The following IGFBP4 variants were observed in gnomAD, a reference collection of about 807,000 sequenced individuals.
IGFBP4 encodes insulin-like growth factor-binding protein 4.
IGFBP4 carries 9 observed loss-of-function variants against 25.8 expected under a neutral mutation model. That is an observed-to-expected ratio of 0.35 (90% CI 0.21 to 0.61). The LOEUF (loss-of-function observed/expected upper bound fraction) is 0.61, where lower values mean the gene tolerates loss of function less well. Among genes scored for constraint, IGFBP4 ranks in the 20% least tolerant of loss-of-function variants. The pLI is 0.77. For missense variants in IGFBP4, 315 were observed against 365.3 expected, an observed-to-expected ratio of 0.86 and a Z score of 1.12; for synonymous variants, 153 against 153.9, an observed-to-expected ratio of 0.99 and a Z score of 0.05.
chr17:40,444,047 G>A lies in IGFBP4; in HGVS notation c.312G>A (p.Ala104=), dbSNP rs1297677896. The A allele has an allele frequency of 1.3e-6, 2 of 1,538,852 alleles. No individual in the cohort carries two copies. Among genetic ancestry groups the A allele is most frequent in the Non-Finnish European group, 1.7e-6 (2 of 1,147,976 alleles). The part of the protein sequence containing the change: ...MHGQGVCMEL[A]EIEAIQESLQ... ...GGCAAGGCGTGTGCATGGAGCTGGCGGAGATCGAGGCCATCCAGGAAAGCC... is the reference window on the plus strand; with the variant it reads ...GGCAAGGCGTGTGCATGGAGCTGGCAGAGATCGAGGCCATCCAGGAAAGCC... Residue 104 remains alanine, a synonymous_variant, in exon 1 of 4, where the codon GCG becomes GCA. Transcript: ENST00000269593.
chr17:40,448,889 G>C (rs918620349), intron 1 of IGFBP4, among the ~76,000 whole-genome samples: 2 of 152,202 alleles, frequency 1.3e-5, no homozygotes. Flanking sequence ...CCAAGTGCAT[G>C]TGGGTAAGGC....
At chr17:40,452,143 G>A (rs2035687062) in intron 1 of IGFBP4, among the ~76,000 whole-genome samples, 1 of 152,106 alleles carries the variant, frequency 6.6e-6, no homozygotes, top group Admixed American at 6.5e-5. Flanking sequence ...CCATTTGGAT[G>A]GAGTTTTTCT....
In IGFBP4 at chr17:40,453,195, T is replaced by G; in HGVS notation, c.507+53T>G. 1 of 583,184 alleles carries G rather than the reference T, an allele frequency of 1.7e-6. No homozygotes were observed. The highest frequency in any genetic ancestry group is 4.4e-5 in the East Asian group (1 of 22,762). 36.1% of individuals were successfully genotyped at this position (583,184 alleles called of 1,614,324 possible). On this transcript the variant is annotated intron_variant, in intron 2 of 3. Transcript: ENST00000269593. This position sits in a 1 kb window ranked among gnomAD's most constrained non-coding sequence, Gnocchi z 4.0. ...ATGTGCATAGACACACACACACACA[T>G]GCCCCCTGCCCCCCACATGCACGCA...
chr17:40,456,390 G>T, intron 3 of IGFBP4, 59 bp from the exon 4 acceptor site: 1 of 1,599,126 alleles, frequency 6.3e-7, no homozygotes, highest in East Asian at 2.2e-5. Context: ...ATTGGGGTGG[G>T]TCACTTGGGG....
Position 40,453,218 on chromosome 17 carries a change from G to T in IGFBP4, c.507+76G>T, listed in dbSNP as rs35685936. ...CATGCCCCCTGCCCCCCACATGCAC[G>T]CACCCACACACACCATCACCACCAG... is the stretch of plus-strand genomic sequence containing the variant. On this transcript the variant is annotated intron_variant, in intron 2 of 3. Coordinates refer to ENST00000269593, the MANE Select transcript of IGFBP4 (RefSeq NM_001552.3). This position sits in a 1 kb window ranked among gnomAD's most constrained non-coding sequence, Gnocchi z 4.0. 9.1e-7 allele frequency: 1 copy of T among 1,104,352 alleles called. No homozygotes were observed. The highest frequency in any genetic ancestry group is 1.2e-6 in the Non-Finnish European group (1 of 816,338). The allele number at this position is 1,104,352 out of a possible 1,614,324, so 68.4% of individuals were successfully genotyped here.
intron 1 of IGFBP4, among the ~76,000 whole-genome samples, chr17:40,444,858 C>CAGAGAG (rs112583043): frequency 4.9e-5 from 6 of 122,836 alleles, no homozygotes; most frequent in Non-Finnish European, 6.9e-5. Context: ...GGGAGAGAAA[C>CAGAGAG]AGAGAGAGAG....
At chr17:40,447,333 T>C (rs746322661) in intron 1 of IGFBP4, among the ~76,000 whole-genome samples, 5 of 152,262 alleles carry the variant, frequency 3.3e-5, no homozygotes, top group Non-Finnish European at 5.9e-5. Flanking sequence ...TCCACACCTC[T>C]GCATCCTGGT....
Position 40,453,963 on chromosome 17 carries a change from G to C in IGFBP4, c.543G>C (p.Ala181=), listed in dbSNP as rs375454476. The C allele has an allele frequency of 6.2e-7, 1 of 1,612,306 alleles. No individual in the cohort carries two copies. The highest frequency in any genetic ancestry group is 1.1e-5 in the South Asian group (1 of 90,710). ...QGSCQSELHR[A]LERLAASQSR... ...CCTGCCAGAGCGAGCTGCACCGGGC[G>C]CTGGAGCGGCTGGCCGCTTCACAGA... The change falls in exon 3 of 4, where the codon GCG becomes GCC. Residue 181 remains alanine (A), a synonymous_variant. Transcript: ENST00000269593. The surrounding 1 kb of genome is among the most constrained non-coding windows in gnomAD (Gnocchi z 4.0).
chr17:40,448,135 A>G (rs757617381), intron 1 of IGFBP4, among the ~76,000 whole-genome samples: 9 of 152,242 alleles, frequency 5.9e-5, no homozygotes, highest in Non-Finnish European at 1.2e-4. Context: ...CTAGCAGGAC[A>G]GGTGGGTGAC....
chr17:40,455,710 G>A (rs570438032), intron 3 of IGFBP4, among the ~76,000 whole-genome samples: 118 of 151,934 alleles, frequency 7.8e-4, no homozygotes, highest in Non-Finnish European at 1.3e-3. Context: ...CTCGAACTCC[G>A]GACCTAAGGT....
In IGFBP4 at chr17:40,444,007, A is replaced by G. The variant is rs749309040; in HGVS notation, c.272A>G (p.His91Arg). 55 of 1,536,598 alleles carry G rather than the reference A, an allele frequency of 3.6e-5. 2 individuals are homozygous for G. In the South Asian group the frequency reaches 6.6e-4, roughly 18 times the overall value. ...CCCCGAGGGGTGGAGAAGCCCCTGC[A>G]CACACTGATGCACGGGCAAGGCGTG... Reference protein sequence around the residue: ...YPPRGVEKPLHTLMHGQGVCM... With the variant: ...YPPRGVEKPLRTLMHGQGVCM... Residue 91 changes from histidine to arginine, a missense_variant, in exon 1 of 4, where the codon CAC becomes CGC. By Grantham distance (29) the His-to-Arg change is conservative. Coordinates refer to ENST00000269593, the MANE Select transcript of IGFBP4 (RefSeq NM_001552.3).
chr17:40,444,932 CAGAGAG>C (rs10603634), intron 1 of IGFBP4, among the ~76,000 whole-genome samples: 3,431 of 74,640 alleles, frequency 0.046, 102 homozygotes, highest in African/African-American at 0.1. Context: ...CACACAGAGA[CAGAGAG>C]AGAGAGAGAG....
rs1305964727 is a variant in IGFBP4, at chr17:40,453,813, C to T, written c.508-115C>T. The T allele has an allele frequency of 1.1e-5, 8 of 710,608 alleles. No homozygotes were observed. Among genetic ancestry groups the T allele is most frequent in the Non-Finnish European group, 1.8e-5 (8 of 444,854 alleles). The allele number at this position is 710,608 out of a possible 1,614,324, so 44.0% of individuals were successfully genotyped here. ...TTCACCTCACTGGGTCCTGCCCAGC[C>T]CCTGGGGCTCAGGCCTCCTTTCGGG... On this transcript the variant is annotated intron_variant, in intron 2 of 3. Transcript: ENST00000269593. The surrounding 1 kb of genome is among the most constrained non-coding windows in gnomAD (Gnocchi z 4.0).
rs190104880 is a variant in IGFBP4 at position 40,450,415 on chromosome 17, A to G, written c.350-2570A>G. On this transcript the variant is annotated intron_variant, in intron 1 of 3. Coordinates refer to ENST00000269593, the MANE Select transcript of IGFBP4 (RefSeq NM_001552.3). ...GTCCTGGGCTGTGGCAAACAAGTCC[A>G]GGTGATCTCCAGCCCTACTTAAGTA... Among the ~76,000 whole-genome samples the G allele has an allele frequency of 3.1e-3, 472 of 152,348 alleles. 2 individuals carry two copies. The highest frequency in any genetic ancestry group is 0.011 in the African/African-American group (455 of 41,570).
intron 1 of IGFBP4, among the ~76,000 whole-genome samples, chr17:40,444,580 A>T (rs2035630041): frequency 1.3e-5 from 2 of 151,874 alleles, no homozygotes; most frequent in Admixed American, 1.3e-4. Flanking sequence ...GGGACATACA[A>T]ATTAGAGGGA....
chr17:40,456,311 A>C, intron 3 of IGFBP4, 138 bp from the exon 4 acceptor site: 1 of 776,474 alleles, frequency 1.3e-6, no homozygotes, highest in Non-Finnish European at 2.1e-6. Context: ...ATGCTCAAAA[A>C]AGAGTCACCA....
rs567935840 is a variant in IGFBP4 at position 40,444,210 on chromosome 17, T to C, written c.349+126T>C. ...ATGAGTTGAAGAGAAGGCAGGTACGTGGCAGGGCCCGACTGGCATGGGACA... is the reference window on the plus strand; with the variant it reads ...ATGAGTTGAAGAGAAGGCAGGTACGCGGCAGGGCCCGACTGGCATGGGACA... On this transcript the variant is annotated intron_variant, in intron 1 of 3. Coordinates refer to ENST00000269593, the MANE Select transcript of IGFBP4 (RefSeq NM_001552.3). 1.8e-3 allele frequency: 1,308 copies of C among 747,340 alleles called. 2 individuals carry two copies. Among genetic ancestry groups the C allele is most frequent in the Non-Finnish European group, 2.7e-3 (1,202 of 450,286 alleles). 46.3% of individuals were successfully genotyped at this position (747,340 alleles called of 1,614,324 possible).
intron 3 of IGFBP4, among the ~76,000 whole-genome samples, chr17:40,454,557 T>TAC (rs1176979806): frequency 1.6e-4 from 25 of 152,064 alleles, no homozygotes; most frequent in Non-Finnish European, 8.8e-5. Flanking sequence ...CCACCTGGGG[T>TAC]ACAGCAAGAG....
At chr17:40,448,175 G>A (rs769933261) in intron 1 of IGFBP4, among the ~76,000 whole-genome samples, 12 of 152,250 alleles carry the variant, frequency 7.9e-5, no homozygotes, top group Admixed American at 1.3e-4. Context: ...ACTTCTGGTC[G>A]GGATGGCTGG....
Sources: allele counts gnomAD v4.1 joint callset (sites outside exome capture counted in the v4.1 genomes callset), GRCh38; gene constraint gnomAD v4.1.1; non-coding constraint Gnocchi (gnomAD v3.1); transcripts MANE v1.5; gene names NCBI Gene and HGNC (gene_info 2026-07-23, HGNC 2026-07-21).